Variants in RUNX3 observed in about 807,000 individuals in gnomAD.
The protein encoded by RUNX3 is runt-related transcription factor 3.
A neutral mutation model predicts 27.7 loss-of-function variants in RUNX3; 10 were observed. The observed-to-expected ratio is 0.36, with a 90% CI of 0.22 to 0.61. The LOEUF is 0.61. Ranked by LOEUF, RUNX3 falls within the 20% of genes least tolerant of loss-of-function variation. RUNX3 has a pLI of 0.72. For missense variants in RUNX3, 469 were observed against 629.5 expected (o/e 0.75, Z 2.73); for synonymous variants, 270 against 269.2 (o/e 1.00, Z -0.03).
In RUNX3 at chr1:24,923,812, G is replaced by A. The variant is rs373219772; in HGVS notation, c.439+3762C>T. 7.2e-5 allele frequency among the ~76,000 whole-genome samples: 11 copies of A among 152,140 alleles called. No homozygotes were observed. The highest frequency in any genetic ancestry group is 1.7e-4 in the African/African-American group (7 of 41,410). Reference sequence around the variant, plus strand: ...AGCCTGCACCGGCACACTGCACCCCGAATCTCTGTCGACACACAGTTGCTT... The same window carrying A: ...AGCCTGCACCGGCACACTGCACCCCAAATCTCTGTCGACACACAGTTGCTT... On this transcript the variant is annotated intron_variant, in intron 2 of 4. Transcript: ENST00000308873. The surrounding 1 kb of genome is among the most constrained non-coding windows in gnomAD (Gnocchi z 5.9).
chr1:24,910,660 G>A (rs1385215323), intron 3 of RUNX3, among the ~76,000 whole-genome samples: 2 of 152,208 alleles, frequency 1.3e-5, no homozygotes, highest in African/African-American at 2.4e-5. Context: ...CAGAAAGAAA[G>A]CAGGGGGCCT....
chr1:24,959,480 G>A (rs1231062380), intron 2 of RUNX3, among the ~76,000 whole-genome samples: 2 of 152,178 alleles, frequency 1.3e-5, no homozygotes. Context: ...AAGGGCTGGC[G>A]GTCAGTCTGT....
chr1:24,938,217 C>T (rs554633778), intron 2 of RUNX3, among the ~76,000 whole-genome samples: 3 of 152,334 alleles, frequency 2.0e-5, no homozygotes, highest in East Asian at 1.9e-4. Context: ...TCCCTTCCCT[C>T]TCTGGCCCTC....
At chr1:24,921,141 G>A (rs755769111) in intron 2 of RUNX3, among the ~76,000 whole-genome samples, 55 of 152,208 alleles carry the variant, frequency 3.6e-4, no homozygotes, top group Admixed American at 3.4e-3. Flanking sequence ...CCCCTGACAC[G>A]CCTCCAAAGT....
In RUNX3 at chr1:24,944,911, GT is replaced by G. The variant is rs900681141; in HGVS notation, c.59-15060del. On this transcript the variant is annotated intron_variant, in intron 2 of 6. Transcript: ENST00000338888. ...TGGAACTGTAAGATTATAAATGCAT[GT>G]TTTTTTTAAGGCACTAAAAGTGGGT... 3.3e-5 allele frequency among the ~76,000 whole-genome samples: 5 copies of G among 152,078 alleles called. No individual in the cohort carries two copies. In the East Asian group the frequency reaches 5.8e-4, roughly 18 times the overall value.
intron 2 of RUNX3, among the ~76,000 whole-genome samples, chr1:24,958,598 G>T (rs965692120): frequency 6.6e-6 from 1 of 152,218 alleles, no homozygotes. Context: ...GGGGCTTCAG[G>T]AGGTGCTATT....
chr1:24,908,552 G>GC (rs1186181384), intron 3 of RUNX3, among the ~76,000 whole-genome samples: 1 of 152,170 alleles, frequency 6.6e-6, no homozygotes, highest in Non-Finnish European at 1.5e-5. Flanking sequence ...TGTAGTCCCA[G>GC]CTACTGGGAT....
chr1:24,921,075 G>C (rs1640990814), intron 2 of RUNX3, among the ~76,000 whole-genome samples: 1 of 152,146 alleles, frequency 6.6e-6, no homozygotes, highest in Non-Finnish European at 1.5e-5. Context: ...CTGTACCCCA[G>C]GGCTGGCACA....
At position 24,948,320 on chromosome 1, in the gene RUNX3, G is replaced by A. The variant is rs145055399; in HGVS notation, c.58+16194C>T. On this transcript the variant is annotated intron_variant, in intron 2 of 6. Coordinates refer to the RUNX3 transcript ENST00000338888. ...AGTCTGTGTCTGTTGCAGCAGGTGC[G>A]GCCTGTGAAGTGTGTGTATGCTTGT... Among the ~76,000 whole-genome samples, 1,004 of 152,306 alleles carry A rather than the reference G, an allele frequency of 6.6e-3. 16 individuals are homozygous for A. The highest frequency in any genetic ancestry group is 0.023 in the African/African-American group (957 of 41,554).
chr1:24,906,031 G>A (rs1357213524), intron 4 of RUNX3, among the ~76,000 whole-genome samples: 1 of 152,242 alleles, frequency 6.6e-6, no homozygotes, highest in Non-Finnish European at 1.5e-5. Flanking sequence ...AAAGTCCTGA[G>A]CCCAGGCCAG....
intron 3 of RUNX3, among the ~76,000 whole-genome samples, chr1:24,912,427 A>G (rs1452329120): frequency 1.3e-5 from 2 of 152,086 alleles, no homozygotes; most frequent in Non-Finnish European, 2.9e-5. Context: ...TCAGCTCAGG[A>G]CAGCCTCTGC....
intron 2 of RUNX3, among the ~76,000 whole-genome samples, chr1:24,941,145 C>T (rs1343386257): frequency 2.0e-5 from 3 of 152,198 alleles, no homozygotes; most frequent in Non-Finnish European, 2.9e-5. Context: ...TCTCTGCAGG[C>T]CCTTGCAGCT....
At chr1:24,964,186 C>T (rs2124398174) in intron 2 of RUNX3, among the ~76,000 whole-genome samples, 1 of 152,310 alleles carries the variant, frequency 6.6e-6, no homozygotes, top group East Asian at 1.9e-4. Context: ...GCCCTGGGGC[C>T]CTGTTAGTGA....
chr1:24,914,044 G>A (rs996349678), intron 3 of RUNX3, among the ~76,000 whole-genome samples: 2 of 152,348 alleles, frequency 1.3e-5, no homozygotes, highest in East Asian at 1.9e-4. Context: ...AAGGTCACAC[G>A]GTGTGTGGCA....
Position 24,952,265 on chromosome 1 carries a change from C to T in RUNX3, c.58+12249G>A, listed in dbSNP as rs140300104. Among the ~76,000 whole-genome samples, 663 of 152,276 alleles carry T rather than the reference C, an allele frequency of 4.4e-3. 2 individuals carry two copies. Among genetic ancestry groups the T allele is most frequent in the Non-Finnish European group, 7.0e-3 (478 of 68,006 alleles). On this transcript the variant is annotated intron_variant, in intron 2 of 6. Coordinates refer to the RUNX3 transcript ENST00000338888. ...ATAGCCCATGGTGGATCCAATAGCT[C>T]TCTCTAGAGCAGCTTTTCCAAAAGT... is the stretch of plus-strand genomic sequence containing the variant.
At position 24,904,617 on chromosome 1, in the gene RUNX3, G is replaced by A. The variant is rs553597981; in HGVS notation, c.704-1951C>T. 1.8e-4 allele frequency among the ~76,000 whole-genome samples: 28 copies of A among 152,282 alleles called. No homozygotes were observed. Among genetic ancestry groups the A allele is most frequent in the African/African-American group, 6.3e-4 (26 of 41,542 alleles). On this transcript the variant is annotated intron_variant, in intron 4 of 4. Coordinates refer to ENST00000308873, the MANE Select transcript of RUNX3 (RefSeq NM_004350.3). This position sits in a 1 kb window ranked among gnomAD's most constrained non-coding sequence, Gnocchi z 5.7. ...GGTGGGGTGGAAGTGGGTGCTGGCCGCCTGATGGGAACCCCATTCTCAAGA... is the reference window on the plus strand; with the variant it reads ...GGTGGGGTGGAAGTGGGTGCTGGCCACCTGATGGGAACCCCATTCTCAAGA...
intron 2 of RUNX3, among the ~76,000 whole-genome samples, chr1:24,951,220 A>T (rs915549677): frequency 2.0e-5 from 3 of 150,938 alleles, no homozygotes; most frequent in African/African-American, 7.3e-5. Flanking sequence ...AAAAAAAAAA[A>T]AAATAAGGCA....
rs148085614 is a variant in RUNX3, at chr1:24,945,767, G to A, written c.59-15915C>T. Among the ~76,000 whole-genome samples the A allele has an allele frequency of 3.9e-4, 60 of 152,168 alleles. 1 individual carries two copies. In the East Asian group the frequency reaches 8.5e-3, roughly 21 times the overall value. On this transcript the variant is annotated intron_variant, in intron 2 of 6. Transcript: ENST00000338888. ...GTTCCTTTTCAGGGTATGTGCTTCC[G>A]CATTCTCTGACTGCTGAACTCCTCC... is the stretch of plus-strand genomic sequence containing the variant.
intron 3 of RUNX3, among the ~76,000 whole-genome samples, chr1:24,907,666 G>T (rs544642872): frequency 4.3e-4 from 65 of 151,664 alleles, no homozygotes; most frequent in Middle Eastern, 3.4e-3. Context: ...TACAACACGC[G>T]GTGATCTAAA....
Sources: gnomAD v4.1 joint callset for allele counts (sites outside exome capture counted in the v4.1 genomes callset) on GRCh38, gnomAD v4.1.1 for gene constraint, Gnocchi (gnomAD v3.1) non-coding constraint, MANE v1.5 for transcripts, NCBI Gene and HGNC (gene_info 2026-07-23, HGNC 2026-07-21) for gene names.